Variants in DPP6 observed in about 807,000 individuals in gnomAD.
The protein encoded by DPP6 is A-type potassium channel modulatory protein DPP6.
In DPP6, 69 loss-of-function variants were observed where a neutral mutation model predicts 122.6. That is an observed-to-expected ratio of 0.56 (90% CI 0.46 to 0.69). The LOEUF (loss-of-function observed/expected upper bound fraction) is 0.69, where lower values mean the gene tolerates loss of function less well. DPP6 is among the 30% of genes least tolerant of loss of function. The pLI, the probability that DPP6 is intolerant of heterozygous loss-of-function variation, is 0.00. For synonymous variants in DPP6, 418 were observed against 433.1 expected, an observed-to-expected ratio of 0.97 and a Z score of 0.43; for missense variants, 928 against 1,116.9, an observed-to-expected ratio of 0.83 and a Z score of 2.41.
At chr7:154,273,484 A>AC (rs1295964559) in intron 1 of DPP6, among the ~76,000 whole-genome samples, 1 of 152,224 alleles carries the variant, frequency 6.6e-6, no homozygotes, top group African/African-American at 2.4e-5. Context: ...AGTGACAATT[A>AC]CCCATATATT....
At chr7:154,423,910 G>A (rs1817684195) in intron 1 of DPP6, among the ~76,000 whole-genome samples, 1 of 152,184 alleles carries the variant, frequency 6.6e-6, no homozygotes, top group South Asian at 2.1e-4. Context: ...GAAACATAGA[G>A]GATGGTCTGT....
At chr7:154,394,218 G>A (rs1397910776) in intron 1 of DPP6, among the ~76,000 whole-genome samples, 3 of 152,008 alleles carry the variant, frequency 2.0e-5, no homozygotes, top group African/African-American at 7.2e-5. Context: ...AGTGCACAAG[G>A]GTTCAGTTTC....
intron 1 of DPP6, among the ~76,000 whole-genome samples, chr7:154,158,366 TG>T (rs1796801350): frequency 6.6e-6 from 1 of 151,812 alleles, no homozygotes; most frequent in Non-Finnish European, 1.5e-5. Context: ...TTCTGCATTC[TG>T]GGGGGTTTCC....
At chr7:154,820,375 A>T (rs1031613427) in intron 16 of DPP6, among the ~76,000 whole-genome samples, 1 of 152,196 alleles carries the variant, frequency 6.6e-6, no homozygotes, top group African/African-American at 2.4e-5. Context: ...GGCTGCTGTG[A>T]AAATGAAGGA....
intron 1 of DPP6, among the ~76,000 whole-genome samples, chr7:154,383,808 T>C (rs1813840959): frequency 6.8e-6 from 1 of 146,752 alleles, no homozygotes; most frequent in African/African-American, 2.5e-5. Context: ...GAGAATCGCT[T>C]GAGCCCAGGA....
At chr7:153,766,652 TACTA>T in the DPP6 span, among the ~76,000 whole-genome samples, 2 of 152,178 alleles carry the variant, frequency 1.3e-5, no homozygotes, top group Non-Finnish European at 2.9e-5. Flanking sequence ...GACATTTACT[TACTA>T]AAATTCAAAA....
intron 1 of DPP6, among the ~76,000 whole-genome samples, chr7:154,325,890 T>A (rs1321081813): frequency 6.6e-6 from 1 of 152,192 alleles, no homozygotes; most frequent in Non-Finnish European, 1.5e-5. Context: ...TCTTACTTTT[T>A]TGGAGGTTTT....
rs186477950 is a variant in DPP6 at position 154,086,885 on chromosome 7, G to A, written c.243+33822G>A. ...ACCTGCCTTGGCCTCCTAAAGTAGA[G>A]CCTACTTGTATATTGCTAAGGGCCC... On this transcript the variant is annotated intron_variant, in intron 1 of 25. Coordinates refer to ENST00000377770, the MANE Select transcript of DPP6 (RefSeq NM_130797.4). 6.6e-3 allele frequency among the ~76,000 whole-genome samples: 1,000 copies of A among 152,228 alleles called. 6 individuals are homozygous for A. The highest frequency in any genetic ancestry group is 0.024 in the Middle Eastern group (7 of 294).
At chr7:154,415,431 A>G (rs1276770554) in intron 1 of DPP6, among the ~76,000 whole-genome samples, 2 of 152,086 alleles carry the variant, frequency 1.3e-5, no homozygotes, top group East Asian at 1.9e-4. Flanking sequence ...AGCATGCTTA[A>G]ATTTGGTGTG....
At chr7:154,193,863 A>C (rs1310091712) in intron 1 of DPP6, among the ~76,000 whole-genome samples, 3 of 152,042 alleles carry the variant, frequency 2.0e-5, no homozygotes, top group African/African-American at 7.2e-5. Context: ...ATCCTTGCAC[A>C]CCCTGGGATG....
chr7:154,791,162 G>A (rs1432006032), intron 10 of DPP6, among the ~76,000 whole-genome samples: 1 of 152,144 alleles, frequency 6.6e-6, no homozygotes, highest in African/African-American at 2.4e-5. Flanking sequence ...TGAGGCATGA[G>A]AATCGCTTGA....
chr7:154,389,148 C>T (rs1366171844), intron 1 of DPP6, among the ~76,000 whole-genome samples: 2 of 152,096 alleles, frequency 1.3e-5, no homozygotes, highest in Non-Finnish European at 2.9e-5. Context: ...GTAGAAACGT[C>T]GATAAATTAG....
rs1805178979 is a variant in DPP6, at chr7:154,879,511, A to AC, written c.2079-1373dup. ...AGGCTGAGGCAGGAGAATGGCGTGA[A>AC]CCCCAGGGGGCGGAGCCTGCAGTGA... On this transcript the variant is annotated intron_variant, in intron 20 of 25. Coordinates refer to ENST00000377770, the MANE Select transcript of DPP6 (RefSeq NM_130797.4). 2.1e-5 allele frequency among the ~76,000 whole-genome samples: 2 copies of AC among 96,478 alleles called. 1 individual carries two copies. The highest frequency in any genetic ancestry group is 6.4e-4 in the South Asian group (2 of 3,138). The allele number at this position is 96,478 out of a possible 152,430, so 63.3% of individuals were successfully genotyped here. A position where few individuals can be genotyped will look rare whatever the true frequency, so the allele number is the denominator to read the frequency against.
At chr7:154,228,987 ACT>A (rs1305112506) in intron 1 of DPP6, among the ~76,000 whole-genome samples, 1 of 151,934 alleles carries the variant, frequency 6.6e-6, no homozygotes, top group Non-Finnish European at 1.5e-5. Context: ...TTCCATTAAA[ACT>A]CTCACAAAAT....
chr7:154,610,887 T>G (rs1338467481), intron 5 of DPP6, among the ~76,000 whole-genome samples: 2 of 152,198 alleles, frequency 1.3e-5, no homozygotes, highest in Non-Finnish European at 2.9e-5. Context: ...TGCTAGACTT[T>G]GGCTTATTGG....
intron 4 of DPP6, among the ~76,000 whole-genome samples, chr7:154,545,497 A>ATCCTTCCTTCCTTCCT: frequency 8.2e-6 from 1 of 122,034 alleles, no homozygotes; most frequent in Non-Finnish European, 1.6e-5. Context: ...CCTTCCTTCC[A>ATCCTTCCTTCCTTCCT]TCCTTCCTTC....
At chr7:154,279,829 A>G (rs553925663) in intron 1 of DPP6, among the ~76,000 whole-genome samples, 1 of 152,352 alleles carries the variant, frequency 6.6e-6, no homozygotes, top group South Asian at 2.1e-4. Flanking sequence ...CTCTAAATCA[A>G]AAACCCACAC....
chr7:154,759,426 T>G (rs990247687), intron 8 of DPP6, among the ~76,000 whole-genome samples: 1 of 152,242 alleles, frequency 6.6e-6, no homozygotes, highest in African/African-American at 2.4e-5. Flanking sequence ...AGCCTGTCTC[T>G]TGTGCCTAAA....
intron 1 of DPP6, among the ~76,000 whole-genome samples, chr7:154,214,244 T>C (rs1799881986): frequency 6.6e-6 from 1 of 152,234 alleles, no homozygotes; most frequent in Non-Finnish European, 1.5e-5. Context: ...AGCAACCCAA[T>C]TTATTCACCA....
Sources: gnomAD v4.1 joint callset for allele counts (sites outside exome capture counted in the v4.1 genomes callset) on GRCh38, gnomAD v4.1.1 for gene constraint, MANE v1.5 for transcripts, NCBI Gene and HGNC (gene_info 2026-07-23, HGNC 2026-07-21) for gene names.